Variants in GAB2 observed in about 807,000 individuals in gnomAD.
The protein encoded by GAB2 is GRB2 associated binding protein 2.
A neutral mutation model predicts 65.5 loss-of-function variants in GAB2; 26 were observed. That is an observed-to-expected ratio of 0.40 (90% CI 0.29 to 0.55). The LOEUF (loss-of-function observed/expected upper bound fraction) is 0.55, where lower values mean the gene tolerates loss of function less well. Among genes scored for constraint, GAB2 ranks in the 20% least tolerant of loss-of-function variants. GAB2 has a pLI of 0.53. For synonymous variants in GAB2, 321 were observed against 329.6 expected, an observed-to-expected ratio of 0.97 and a Z score of 0.28; for missense variants, 884 against 875.8, an observed-to-expected ratio of 1.01 and a Z score of -0.12.
At chr11:78,314,314 G>C (rs1228150284) in intron 1 of GAB2, among the ~76,000 whole-genome samples, 1 of 152,202 alleles carries the variant, frequency 6.6e-6, no homozygotes, top group Admixed American at 6.5e-5. Flanking sequence ...GACAATAGCA[G>C]CTTGCACTGC....
At chr11:78,415,929 T>C (rs2135104951) in intron 1 of GAB2, among the ~76,000 whole-genome samples, 1 of 150,780 alleles carries the variant, frequency 6.6e-6, no homozygotes, top group East Asian at 1.9e-4. Context: ...AACTTGAAAA[T>C]TAAGGGTCAC....
At chr11:78,320,801 G>A (rs1012429969) in intron 1 of GAB2, among the ~76,000 whole-genome samples, 9 of 147,220 alleles carry the variant, frequency 6.1e-5, no homozygotes, top group Admixed American at 1.4e-4. Flanking sequence ...AAACTCCTGG[G>A]CTCAAGTGAT....
At chr11:78,241,962 A>G (rs1422324699) in intron 3 of GAB2, among the ~76,000 whole-genome samples, 1 of 152,226 alleles carries the variant, frequency 6.6e-6, no homozygotes, top group Non-Finnish European at 1.5e-5. Context: ...AAATGGACCT[A>G]ACAACACTTC....
chr11:78,293,057 G>A (rs1866722516), intron 1 of GAB2, among the ~76,000 whole-genome samples: 2 of 152,188 alleles, frequency 1.3e-5, no homozygotes, highest in Non-Finnish European at 2.9e-5. Context: ...CAGAGTTTAT[G>A]AATTCAAGTT....
At chr11:78,371,537 C>A (rs1391960092) in intron 1 of GAB2, among the ~76,000 whole-genome samples, 2 of 152,216 alleles carry the variant, frequency 1.3e-5, no homozygotes, top group East Asian at 3.8e-4. Context: ...AGGACAACCT[C>A]ACGTTATACT....
chr11:78,271,210 C>T (rs1866001619), intron 2 of GAB2, among the ~76,000 whole-genome samples: 1 of 152,196 alleles, frequency 6.6e-6, no homozygotes, highest in African/African-American at 2.4e-5. Flanking sequence ...AACTGAGCCA[C>T]AAATGTGAGG....
intron 1 of GAB2, among the ~76,000 whole-genome samples, chr11:78,390,038 G>A (rs117768765): frequency 0.012 from 1,845 of 152,290 alleles, 15 homozygotes; most frequent in Non-Finnish European, 0.017. Context: ...CAGCTTTAGA[G>A]TACAGTTTAT....
At chr11:78,311,576 A>G (rs942730207) in intron 1 of GAB2, among the ~76,000 whole-genome samples, 5 of 152,234 alleles carry the variant, frequency 3.3e-5, no homozygotes, top group African/African-American at 1.2e-4. Flanking sequence ...AAAGTAATAA[A>G]TTATTCAATA....
chr11:78,320,078 T>G (rs182835196), intron 1 of GAB2, among the ~76,000 whole-genome samples: 135 of 152,344 alleles, frequency 8.9e-4, no homozygotes, highest in African/African-American at 2.7e-3. Flanking sequence ...TTCGCCATGT[T>G]GGCCAGGCTG....
intron 1 of GAB2, among the ~76,000 whole-genome samples, chr11:78,289,615 C>G (rs1039635771): frequency 4.6e-5 from 7 of 151,982 alleles, no homozygotes; most frequent in Non-Finnish European, 8.8e-5. Flanking sequence ...ATCCCTAAAA[C>G]TAGAAGATTT....
At position 78,417,699 on chromosome 11, in the gene GAB2, C is replaced by A. The variant is rs1487602472; in HGVS notation, c.22G>T (p.Val8Leu). 2 of 1,355,790 alleles carry A rather than the reference C, an allele frequency of 1.5e-6. No homozygotes were observed. The highest frequency in any genetic ancestry group is 2.8e-5 in the South Asian group (2 of 70,740). The allele number at this position is 1,355,790 out of a possible 1,614,324, so 84.0% of individuals were successfully genotyped here. A position where few individuals can be genotyped will look rare whatever the true frequency, so the allele number is the denominator to read the frequency against. The change falls in exon 1 of 10, where the codon GTG (valine) becomes TTG (leucine). Residue 8 changes from valine to leucine, a missense_variant. By Grantham distance (32) the Val-to-Leu change is conservative. Coordinates refer to ENST00000361507, the MANE Select transcript of GAB2 (RefSeq NM_080491.3). MSGGGDV[V>L]CTGWLRKSPP... ...GATTTCCTCAGCCAGCCGGTGCACA[C>A]CACGTCGCCGCCGCCGCTCATGCTG...
intron 1 of GAB2, among the ~76,000 whole-genome samples, chr11:78,390,395 G>C (rs1015381318): frequency 2.0e-5 from 3 of 152,156 alleles, no homozygotes; most frequent in Admixed American, 6.5e-5. Context: ...AGACCAGCCT[G>C]AGAAACATAG....
chr11:78,343,466 A>C (rs1369164269), intron 1 of GAB2, among the ~76,000 whole-genome samples: 1 of 152,072 alleles, frequency 6.6e-6, no homozygotes, highest in African/African-American at 2.4e-5. Flanking sequence ...AGAGAGGAAT[A>C]AGGGCAAAAA....
intron 1 of GAB2, among the ~76,000 whole-genome samples, chr11:78,349,647 G>C (rs1856244688): frequency 6.6e-6 from 1 of 152,204 alleles, no homozygotes; most frequent in African/African-American, 2.4e-5. Flanking sequence ...CATCAGGACT[G>C]AGAAATCCTC....
At chr11:78,318,856 A>T (rs1855668096) in intron 1 of GAB2, among the ~76,000 whole-genome samples, 1 of 152,204 alleles carries the variant, frequency 6.6e-6, no homozygotes, top group Non-Finnish European at 1.5e-5. Context: ...AAAAAGGAGC[A>T]TCTGGATGCA....
chr11:78,272,881 C>T (rs1438515856), intron 2 of GAB2, among the ~76,000 whole-genome samples: 2 of 152,196 alleles, frequency 1.3e-5, no homozygotes, highest in East Asian at 3.9e-4. Context: ...GACTTGGTGC[C>T]CTGTGTCCCA....
At chr11:78,222,293 C>T (rs1409221218) in intron 6 of GAB2, 98 bp from the exon 7 acceptor site, 1 of 773,646 alleles carries the variant, frequency 1.3e-6, no homozygotes, top group Non-Finnish European at 2.3e-6. Flanking sequence ...TAAAGGCCTG[C>T]AAAGTCATTC....
intron 2 of GAB2, among the ~76,000 whole-genome samples, chr11:78,280,131 T>C (rs541610266): frequency 6.6e-6 from 1 of 152,334 alleles, no homozygotes; most frequent in East Asian, 1.9e-4. Flanking sequence ...AAATGAACAC[T>C]GAATCGTCAA....
intron 1 of GAB2, among the ~76,000 whole-genome samples, chr11:78,407,975 G>A (rs1302090655): frequency 6.6e-6 from 1 of 152,108 alleles, no homozygotes; most frequent in Non-Finnish European, 1.5e-5. Flanking sequence ...AGGGGAAAAT[G>A]AGACCTTCTC....
Sources: gnomAD v4.1 joint callset for allele counts (sites outside exome capture counted in the v4.1 genomes callset) on GRCh38, gnomAD v4.1.1 for gene constraint, MANE v1.5 for transcripts, NCBI Gene and HGNC (gene_info 2026-07-23, HGNC 2026-07-21) for gene names.